MSH4: variants seen among roughly 807,000 people sequenced by gnomAD.
MSH4 encodes mutS homolog 4.
MSH4 carries 106 observed loss-of-function variants against 113.7 expected under a neutral mutation model. That is an observed-to-expected ratio of 0.93 (90% CI 0.80 to 1.10). The LOEUF is 1.10. Ranked by LOEUF, MSH4 falls within the 50% of genes least tolerant of loss-of-function variation. The pLI, the probability that MSH4 is intolerant of heterozygous loss-of-function variation, is 0.00. For synonymous variants in MSH4, 368 were observed against 380.2 expected (o/e 0.97, Z 0.37); for missense variants, 1,061 against 1,093.7 (o/e 0.97, Z 0.42).
At chr1:75,898,899 C>G (rs1389924325) in intron 18 of MSH4, among the ~76,000 whole-genome samples, 1 of 152,128 alleles carries the variant, frequency 6.6e-6, no homozygotes, top group Non-Finnish European at 1.5e-5. Context: ...TTATGAGCCT[C>G]AATTTCATGA....
chr1:75,895,309 G>A (rs186783992), intron 17 of MSH4, among the ~76,000 whole-genome samples: 118 of 152,244 alleles, frequency 7.8e-4, no homozygotes, highest in African/African-American at 2.7e-3. Context: ...GGGTATCTCC[G>A]TTCTGTCATG....
chr1:75,820,115 T>C (rs1344734589), intron 6 of MSH4, among the ~76,000 whole-genome samples: 1 of 152,220 alleles, frequency 6.6e-6, no homozygotes, highest in East Asian at 1.9e-4. Flanking sequence ...TAAATATTTA[T>C]TTTAACAATA....
intron 7 of MSH4, among the ~76,000 whole-genome samples, chr1:75,833,427 A>T (rs1360996314): frequency 6.6e-6 from 1 of 152,202 alleles, no homozygotes; most frequent in Non-Finnish European, 1.5e-5. Context: ...CAGAATTGGA[A>T]AAAACTACTT....
chr1:75,822,318 G>A (rs1650438206), intron 6 of MSH4, 91 bp from the exon 7 acceptor site: 2 of 736,972 alleles, frequency 2.7e-6, no homozygotes, highest in Non-Finnish European at 4.3e-6. Context: ...AATCATTGCT[G>A]TAGATTATAG....
intron 17 of MSH4, among the ~76,000 whole-genome samples, chr1:75,897,464 C>T (rs1481701045): frequency 6.6e-6 from 1 of 152,062 alleles, no homozygotes; most frequent in East Asian, 1.9e-4. Flanking sequence ...GATTCCACTG[C>T]CAAAACCTAC....
chr1:75,909,621 C>T (rs1652744509), intron 19 of MSH4, among the ~76,000 whole-genome samples: 1 of 152,040 alleles, frequency 6.6e-6, no homozygotes, highest in Non-Finnish European at 1.5e-5. Flanking sequence ...GATATTTGTC[C>T]TAATGCTATC....
intron 2 of MSH4, among the ~76,000 whole-genome samples, chr1:75,805,554 A>ATTTT (rs5775309): frequency 2.7e-5 from 4 of 149,172 alleles, no homozygotes; most frequent in Non-Finnish European, 6.0e-5. Context: ...TGCTCAGCCA[A>ATTTT]TTTTTTTTTT....
chr1:75,894,542 C>T (rs535518187), intron 17 of MSH4, among the ~76,000 whole-genome samples: 15 of 152,318 alleles, frequency 9.8e-5, no homozygotes, highest in Admixed American at 2.6e-4. Flanking sequence ...TTACATTGTA[C>T]CACCTCCATT....
chr1:75,832,337 G>A (rs1327651846), intron 7 of MSH4, among the ~76,000 whole-genome samples: 1 of 152,142 alleles, frequency 6.6e-6, no homozygotes, highest in African/African-American at 2.4e-5. Context: ...TGGATTCACA[G>A]CCGAATTCTA....
At chr1:75,840,384 T>C (rs1450685203) in intron 7 of MSH4, among the ~76,000 whole-genome samples, 2 of 146,790 alleles carry the variant, frequency 1.4e-5, no homozygotes, top group African/African-American at 2.5e-5. Flanking sequence ...ATGGATGAAA[T>C]TGGAAATCAT....
Position 75,909,080 on chromosome 1 carries a change from G to A in MSH4, c.2620-3616G>A, listed in dbSNP as rs146413146. Reference sequence around the variant, plus strand: ...TTTTTGTCTCTAGCTGCCCTCAGGCGGTTTTCTCCCTCCAGGCACTAGTGG... The same window carrying A: ...TTTTTGTCTCTAGCTGCCCTCAGGCAGTTTTCTCCCTCCAGGCACTAGTGG... On this transcript the variant is annotated intron_variant, in intron 19 of 19. Coordinates refer to ENST00000263187, the MANE Select transcript of MSH4 (RefSeq NM_002440.4). Among the ~76,000 whole-genome samples, 234 of 152,236 alleles carry A rather than the reference G, an allele frequency of 1.5e-3. 1 individual carries two copies. The highest frequency in any genetic ancestry group is 4.9e-3 in the African/African-American group (204 of 41,536).
intron 9 of MSH4, among the ~76,000 whole-genome samples, chr1:75,875,140 C>T (rs1394184346): frequency 6.6e-5 from 10 of 152,118 alleles, no homozygotes; most frequent in Non-Finnish European, 8.8e-5. Flanking sequence ...GCAATTTGTC[C>T]GCCTTAGCCC....
intron 19 of MSH4, among the ~76,000 whole-genome samples, chr1:75,903,059 A>G (rs975442520): frequency 2.7e-5 from 4 of 150,940 alleles, no homozygotes; most frequent in Non-Finnish European, 4.4e-5. Context: ...ATGTAATTAT[A>G]TAAGTGTATT....
chr1:75,886,934 C>T (rs1652138036), intron 15 of MSH4, among the ~76,000 whole-genome samples: 1 of 150,618 alleles, frequency 6.6e-6, no homozygotes, highest in African/African-American at 2.4e-5. Flanking sequence ...GTTCTGCTCT[C>T]TGAGGGCAGG....
At chr1:75,863,606 A>T (rs1651506278) in intron 8 of MSH4, among the ~76,000 whole-genome samples, 2 of 152,040 alleles carry the variant, frequency 1.3e-5, no homozygotes, top group Admixed American at 1.3e-4. Flanking sequence ...TCTTCGCCTC[A>T]CCACTCCACT....
intron 19 of MSH4, among the ~76,000 whole-genome samples, chr1:75,907,044 A>T (rs1203530495): frequency 6.6e-6 from 1 of 152,078 alleles, no homozygotes; most frequent in East Asian, 1.9e-4. Flanking sequence ...TGAGTAGATT[A>T]CACATCACAT....
Position 75,803,804 on chromosome 1 carries a change from A to G in MSH4, c.318A>G (p.Ser106=). ...VASNFTFGAS[S]SSARDTNYPQ... The stretch of plus-strand genomic sequence containing the variant: ...CAAATTTTACTTTTGGTGCAAGCTC[A>G]TCTTCTGCACGAGATACTAATTATC... Residue 106 remains serine, a synonymous_variant, in exon 2 of 20, where the codon TCA becomes TCG. Transcript: ENST00000263187. The G allele has an allele frequency of 2.5e-6, 4 of 1,608,232 alleles. No individual in the cohort carries two copies. The highest frequency in any genetic ancestry group is 3.4e-6 in the Non-Finnish European group (4 of 1,177,912).
chr1:75,836,305 T>TTC (rs1650827477), intron 7 of MSH4, among the ~76,000 whole-genome samples: 1 of 148,970 alleles, frequency 6.7e-6, no homozygotes, highest in Non-Finnish European at 1.5e-5. Flanking sequence ...TCTTTTTCTT[T>TTC]TTTTTTTTTT....
At chr1:75,849,419 A>T (rs919146599) in intron 8 of MSH4, among the ~76,000 whole-genome samples, 10 of 152,220 alleles carry the variant, frequency 6.6e-5, no homozygotes, top group Admixed American at 5.9e-4. Context: ...ATATGCATAA[A>T]AAGAAAAGTC....
Sources: allele counts gnomAD v4.1 joint callset (sites outside exome capture counted in the v4.1 genomes callset), GRCh38; gene constraint gnomAD v4.1.1; transcripts MANE v1.5; gene names NCBI Gene and HGNC (gene_info 2026-07-23, HGNC 2026-07-21).